ACO1: variants seen among roughly 807,000 people sequenced by gnomAD.
ACO1 encodes the protein cytoplasmic aconitate hydratase.
A neutral mutation model predicts 105.1 loss-of-function variants in ACO1; 78 were observed. That is an observed-to-expected ratio of 0.74 (90% confidence interval 0.62 to 0.90). The LOEUF (loss-of-function observed/expected upper bound fraction) is 0.90. ACO1 is among the 40% of genes least tolerant of loss of function. The pLI, the probability that ACO1 is intolerant of heterozygous loss-of-function variation, is 0.00. For synonymous variants in ACO1, 364 were observed against 397.4 expected (o/e 0.92, Z 1.00); for missense variants, 965 against 1,111.1 (o/e 0.87, Z 1.87).
chr9:32,408,975 A>G (rs1312019741), intron 4 of ACO1, among the ~76,000 whole-genome samples: 1 of 152,182 alleles, frequency 6.6e-6, no homozygotes, highest in South Asian at 2.1e-4. Context: ...CAGTGCAAGT[A>G]TATGTTTGAG....
chr9:32,387,356 G>A (rs1821176336), intron 1 of ACO1, among the ~76,000 whole-genome samples: 1 of 152,190 alleles, frequency 6.6e-6, no homozygotes, highest in Non-Finnish European at 1.5e-5. Context: ...CTAACTCCGT[G>A]TTCAGTGGCA....
At position 32,451,525 on chromosome 9, in the gene ACO1, A is replaced by G. The variant is rs1822767159; in HGVS notation, c.*1414A>G. 6.6e-6 allele frequency: 1 copy of G among 152,202 alleles called. No homozygotes were observed. Among genetic ancestry groups the G allele is most frequent in the Non-Finnish European group, 1.5e-5 (1 of 68,068 alleles). 9.4% of individuals were successfully genotyped at this position (152,202 alleles called of 1,614,324 possible). On this transcript the variant is annotated 3_prime_UTR_variant, in exon 21 of 21. Coordinates refer to ENST00000309951, the MANE Select transcript of ACO1 (RefSeq NM_002197.3). Reference sequence around the variant, plus strand: ...GGAGGGGCATGGGGAATGCTGGTATAAGTCCCAGAGTCTGAATGCCCAGGA... The same window carrying G: ...GGAGGGGCATGGGGAATGCTGGTATGAGTCCCAGAGTCTGAATGCCCAGGA...
chr9:32,414,161 AG>A (rs199797962), intron 4 of ACO1, among the ~76,000 whole-genome samples: 66 of 152,318 alleles, frequency 4.3e-4, no homozygotes, highest in African/African-American at 1.2e-3. Flanking sequence ...TCAAAAAAAA[AG>A]AATTTCATAA....
intron 2 of ACO1, among the ~76,000 whole-genome samples, 171 bp downstream of exon 2, chr9:32,405,774 TA>T (rs1337156298): frequency 6.6e-6 from 1 of 152,258 alleles, no homozygotes; most frequent in African/African-American, 2.4e-5. Flanking sequence ...CATTTTTAAG[TA>T]GGTGATAATG....
chr9:32,407,955 A>G (rs1265177070), intron 3 of ACO1, among the ~76,000 whole-genome samples: 1 of 152,228 alleles, frequency 6.6e-6, no homozygotes, highest in Non-Finnish European at 1.5e-5. Context: ...TTGAGATACT[A>G]TATTTCCATT....
chr9:32,441,720 A>G (rs1822484537), intron 19 of ACO1, among the ~76,000 whole-genome samples: 1 of 152,194 alleles, frequency 6.6e-6, no homozygotes, highest in Non-Finnish European at 1.5e-5. Flanking sequence ...AAGATCTGAT[A>G]GAGGATAAGA....
At chr9:32,428,336 G>C (rs535224791) in intron 12 of ACO1, among the ~76,000 whole-genome samples, 10 of 151,640 alleles carry the variant, frequency 6.6e-5, no homozygotes, top group African/African-American at 2.2e-4. Flanking sequence ...CCTACACCGG[G>C]TCAGGATTGT....
intron 4 of ACO1, among the ~76,000 whole-genome samples, chr9:32,416,917 CAT>C (rs2118452694): frequency 6.6e-6 from 1 of 152,330 alleles, no homozygotes; most frequent in African/African-American, 2.4e-5. Flanking sequence ...GATAAGTTCA[CAT>C]GTGTAAAGCT....
At chr9:32,393,737 C>G (rs1821314369) in intron 1 of ACO1, among the ~76,000 whole-genome samples, 1 of 152,152 alleles carries the variant, frequency 6.6e-6, no homozygotes, top group Admixed American at 6.5e-5. Context: ...CCCTTTATTT[C>G]TCAGACCGGC....
At chr9:32,423,272 G>A in intron 8 of ACO1, 47 bp from the exon 9 acceptor site, 2 of 1,150,644 alleles carry the variant, frequency 1.7e-6, no homozygotes, top group Non-Finnish European at 2.5e-6. Flanking sequence ...ACTTCAACCA[G>A]GAAATACTAA....
At chr9:32,432,716 A>G (rs1009920955) in intron 15 of ACO1, among the ~76,000 whole-genome samples, 3 of 152,228 alleles carry the variant, frequency 2.0e-5, no homozygotes, top group African/African-American at 4.8e-5. Context: ...TTATTATTTC[A>G]TAAGTTATTG....
chr9:32,418,049 T>G, intron 4 of ACO1, 79 bp from the exon 5 acceptor site: 2 of 1,288,642 alleles, frequency 1.6e-6, no homozygotes, highest in Non-Finnish European at 2.2e-6. Context: ...AATTCCATTT[T>G]GTTTCTTCAT....
intron 11 of ACO1, 116 bp from the exon 12 acceptor site, chr9:32,427,185 G>A (rs1420097098): frequency 5.4e-6 from 7 of 1,290,482 alleles, no homozygotes; most frequent in South Asian, 4.4e-5. Context: ...TGAAGGGAGC[G>A]TGGTCAGGTG....
In ACO1 at chr9:32,450,043, G is replaced by T. The variant is rs201266375; in HGVS notation, c.2602G>T (p.Asp868Tyr). 1.7e-5 allele frequency: 28 copies of T among 1,614,130 alleles called. No individual in the cohort carries two copies. The highest frequency in any genetic ancestry group is 2.3e-5 in the Non-Finnish European group (27 of 1,180,034). The change falls in exon 21 of 21, where the codon GAT (aspartate) becomes TAT (tyrosine). Residue 868 changes from aspartate to tyrosine, a missense_variant. By Grantham distance (160) the Asp-to-Tyr change is radical. Coordinates refer to ENST00000309951, the MANE Select transcript of ACO1 (RefSeq NM_002197.3). ...CCAGGCTGTCATGAGGTTTGACACT[G>T]ATGTGGAGCTCACTTATTTCCTCAA... ...TFQAVMRFDT[D>Y]VELTYFLNGG...
intron 19 of ACO1, among the ~76,000 whole-genome samples, chr9:32,442,762 G>A (rs1822511001): frequency 6.6e-6 from 1 of 152,180 alleles, no homozygotes; most frequent in African/African-American, 2.4e-5. Flanking sequence ...CAGATACAAT[G>A]TAACTTTGCT....
intron 1 of ACO1, among the ~76,000 whole-genome samples, chr9:32,388,608 TTTGTACATCTATGTGTACATA>T (rs1363084453): frequency 6.6e-6 from 1 of 152,242 alleles, no homozygotes; most frequent in African/African-American, 2.4e-5. Flanking sequence ...TGTATGCATA[TTTGTACATCTATGTGTACATA>T]AGTTGTGTGC....
intron 4 of ACO1, among the ~76,000 whole-genome samples, chr9:32,409,782 A>C (rs1352082961): frequency 6.6e-6 from 1 of 152,170 alleles, no homozygotes; most frequent in Non-Finnish European, 1.5e-5. Flanking sequence ...TGAGCCCAGA[A>C]GGTTAGGCCA....
chr9:32,402,417 A>G lies in ACO1; in HGVS notation c.-22-3068A>G, dbSNP rs569892982. Among the ~76,000 whole-genome samples the G allele has an allele frequency of 3.9e-5, 6 of 152,334 alleles. No homozygotes were observed. The East Asian group carries it at 9.6e-4, about 24-fold the overall frequency. On this transcript the variant is annotated intron_variant, in intron 1 of 20. Coordinates refer to ENST00000309951, the MANE Select transcript of ACO1 (RefSeq NM_002197.3). ...TCCTATCTTTTATTGTTGAATGAAG[A>G]TCAGATAAAACAGAAAAGAGCCAAG...
intron 16 of ACO1, 75 bp downstream of exon 16, chr9:32,433,907 C>A: frequency 8.3e-7 from 1 of 1,201,966 alleles, no homozygotes; most frequent in East Asian, 2.4e-5. Flanking sequence ...TTTATTACCC[C>A]ATGCTCTTGC....
Sources: gnomAD v4.1 joint callset for allele counts (sites outside exome capture counted in the v4.1 genomes callset) on GRCh38, gnomAD v4.1.1 for gene constraint, MANE v1.5 for transcripts, NCBI Gene and HGNC (gene_info 2026-07-23, HGNC 2026-07-21) for gene names.